USP47: variants seen among roughly 807,000 people sequenced by gnomAD.
USP47 encodes the protein ubiquitin specific peptidase 47, also known as ubiquitin carboxyl-terminal hydrolase 47.
USP47 carries 35 observed loss-of-function variants against 165.1 expected under a neutral mutation model. The observed-to-expected ratio is 0.21, with a 90% CI of 0.16 to 0.28. The LOEUF is 0.28. Among genes scored for constraint, USP47 ranks in the 10% least tolerant of loss-of-function variants. USP47 has a pLI of 1.00. For missense variants in USP47, 1,277 were observed against 1,607.4 expected (o/e 0.79, Z 3.52); for synonymous variants, 531 against 544.5 (o/e 0.98, Z 0.35).
chr11:11,891,154 A>G (rs931740424), intron 3 of USP47, among the ~76,000 whole-genome samples: 3 of 152,228 alleles, frequency 2.0e-5, no homozygotes, highest in Non-Finnish European at 4.4e-5. Context: ...TTAAAAGTTG[A>G]AAAAATAATA....
At chr11:11,939,503 C>G (rs551704300) in intron 18 of USP47, among the ~76,000 whole-genome samples, 82 of 151,992 alleles carry the variant, frequency 5.4e-4, no homozygotes, top group Non-Finnish European at 1.1e-3. Flanking sequence ...CTGTATATGA[C>G]TTCTAACAAT....
rs552551318 is a variant in USP47, at chr11:11,959,276, C to G, written c.*3101C>G. 1 of 152,316 alleles carries G rather than the reference C, an allele frequency of 6.6e-6. No homozygotes were observed. The highest frequency in any genetic ancestry group is 2.1e-4 in the South Asian group (1 of 4,822). 9.4% of individuals were successfully genotyped at this position (152,316 alleles called of 1,614,324 possible). On this transcript the variant is annotated 3_prime_UTR_variant, in exon 28 of 28. Coordinates refer to ENST00000527733, the MANE Select transcript of USP47 (RefSeq NM_001282659.2). ...ACCACATTACGTGGACTAGAGGATA[C>G]TCTGAATTAGCAAGTTTTTTGTTTG...
At chr11:11,948,267 G>T in intron 21 of USP47, 147 bp downstream of exon 21, 1 of 1,024,052 alleles carries the variant, frequency 9.8e-7, no homozygotes, top group East Asian at 2.7e-5. Flanking sequence ...GTTTTTTGTT[G>T]TTATTTTTCT....
At chr11:11,867,384 T>C (rs542336973) in intron 1 of USP47, among the ~76,000 whole-genome samples, 16 of 152,318 alleles carry the variant, frequency 1.1e-4, no homozygotes, top group Admixed American at 8.5e-4. Flanking sequence ...CTATCCTTCA[T>C]GTCTCTTAAT....
At chr11:11,928,858 T>G (rs1854446376) in intron 11 of USP47, among the ~76,000 whole-genome samples, 1 of 152,070 alleles carries the variant, frequency 6.6e-6, no homozygotes, top group South Asian at 2.1e-4. Context: ...TTCCAAACTT[T>G]AAAGAATTGT....
intron 1 of USP47, among the ~76,000 whole-genome samples, chr11:11,868,935 G>A (rs370535235): frequency 1.6e-4 from 25 of 151,990 alleles, no homozygotes; most frequent in African/African-American, 5.5e-4. Flanking sequence ...TCATTGAAAT[G>A]TCTTTTCATG....
At chr11:11,919,955 T>C (rs1853707944) in intron 8 of USP47, among the ~76,000 whole-genome samples, 1 of 151,848 alleles carries the variant, frequency 6.6e-6, no homozygotes, top group South Asian at 2.1e-4. Context: ...AAATCTTGTG[T>C]AGAATGAAAT....
At chr11:11,905,927 A>C (rs1452504081) in intron 8 of USP47, among the ~76,000 whole-genome samples, 1 of 151,892 alleles carries the variant, frequency 6.6e-6, no homozygotes, top group Non-Finnish European at 1.5e-5. Flanking sequence ...GTTTTGATCC[A>C]TACACTTTTA....
intron 24 of USP47, 48 bp downstream of exon 24, chr11:11,950,530 A>G: frequency 8.3e-7 from 1 of 1,209,364 alleles, no homozygotes. Flanking sequence ...AATACTCTAG[A>G]ACTAATAGAA....
At position 11,881,253 on chromosome 11, in the gene USP47, G is replaced by A. The variant is rs117440097; in HGVS notation, c.243+873G>A. Among the ~76,000 whole-genome samples, 958 of 152,088 alleles carry A rather than the reference G, an allele frequency of 6.3e-3. 24 individuals are homozygous for A. Among genetic ancestry groups the A allele is most frequent in the East Asian group, 0.033 (169 of 5,156 alleles). ...GTTTATACTTGTTCTGGGATTGGCT[G>A]GCTTCTGACTCTTTAGGGTTAGGAG... On this transcript the variant is annotated intron_variant, in intron 2 of 27. Transcript: ENST00000527733.
At chr11:11,846,580 A>G (rs905733147) in intron 1 of USP47, among the ~76,000 whole-genome samples, 1 of 151,998 alleles carries the variant, frequency 6.6e-6, no homozygotes, top group Admixed American at 6.6e-5. Context: ...TTTGGCATCT[A>G]ATGATGATGA....
intron 5 of USP47, among the ~76,000 whole-genome samples, chr11:11,902,285 C>T (rs1564871628): frequency 6.6e-6 from 1 of 152,056 alleles, no homozygotes; most frequent in East Asian, 1.9e-4. Flanking sequence ...TTATTCCCTG[C>T]AAAAAATAGA....
intron 16 of USP47, among the ~76,000 whole-genome samples, chr11:11,934,734 G>A (rs1854927862): frequency 6.6e-6 from 1 of 152,128 alleles, no homozygotes; most frequent in African/African-American, 2.4e-5. Flanking sequence ...GTAGTGGAAA[G>A]TTATTAATGA....
chr11:11,927,795 G>A lies in USP47; in HGVS notation c.1387-1639G>A, dbSNP rs74555302. On this transcript the variant is annotated intron_variant, in intron 11 of 27. Coordinates refer to ENST00000527733, the MANE Select transcript of USP47 (RefSeq NM_001282659.2). Reference sequence around the variant, plus strand: ...AAAAGAGAAGAAAATGTTAGGACACGTTTTTATGTAATTTTATTTACAAAT... The same window carrying A: ...AAAAGAGAAGAAAATGTTAGGACACATTTTTATGTAATTTTATTTACAAAT... Among the ~76,000 whole-genome samples, 483 of 152,074 alleles carry A rather than the reference G, an allele frequency of 3.2e-3. 2 individuals carry two copies. Among genetic ancestry groups the A allele is most frequent in the African/African-American group, 0.011 (457 of 41,510 alleles).
chr11:11,868,679 A>G (rs1342775514), intron 1 of USP47, among the ~76,000 whole-genome samples: 1 of 151,822 alleles, frequency 6.6e-6, no homozygotes, highest in Non-Finnish European at 1.5e-5. Flanking sequence ...GTTGTATGGT[A>G]ATTGTATATA....
At chr11:11,926,835 C>G (rs1854287596) in intron 11 of USP47, among the ~76,000 whole-genome samples, 1 of 150,212 alleles carries the variant, frequency 6.7e-6, no homozygotes, top group Admixed American at 6.6e-5. Context: ...AATGTAGGCA[C>G]TTACATCTAT....
chr11:11,919,265 G>C (rs1037734150), intron 8 of USP47, among the ~76,000 whole-genome samples: 2 of 151,830 alleles, frequency 1.3e-5, no homozygotes, highest in Non-Finnish European at 1.5e-5. Flanking sequence ...TATATCAAAA[G>C]AAAAATATTT....
At chr11:11,926,805 G>A (rs2134652202) in intron 11 of USP47, among the ~76,000 whole-genome samples, 1 of 147,440 alleles carries the variant, frequency 6.8e-6, no homozygotes, top group South Asian at 2.2e-4. Context: ...ATTGATTTGA[G>A]ATGTCTTCTT....
chr11:11,847,769 C>T (rs542727218), intron 1 of USP47, among the ~76,000 whole-genome samples: 5 of 152,238 alleles, frequency 3.3e-5, no homozygotes, highest in Middle Eastern at 3.4e-3. Flanking sequence ...CTTTCTTAAC[C>T]ATCCTCCCCA....
Sources: gnomAD v4.1 joint callset for allele counts (sites outside exome capture counted in the v4.1 genomes callset) on GRCh38, gnomAD v4.1.1 for gene constraint, MANE v1.5 for transcripts, NCBI Gene and HGNC (gene_info 2026-07-23, HGNC 2026-07-21) for gene names.